The following PCDHA4 variants were observed in gnomAD, a reference collection of about 807,000 sequenced individuals.
PCDHA4 encodes the protein protocadherin alpha-4.
Under a neutral mutation model 61.4 loss-of-function variants are expected in PCDHA4, and 49 were observed. The observed-to-expected ratio is 0.80, with a 90% CI of 0.63 to 1.01. The LOEUF (loss-of-function observed/expected upper bound fraction) is 1.01. PCDHA4 is among the 50% of genes least tolerant of loss of function. The pLI is 0.00. For synonymous variants in PCDHA4, 590 were observed against 550.3 expected, an observed-to-expected ratio of 1.07 and a Z score of -1.01; for missense variants, 1,254 against 1,235.8, an observed-to-expected ratio of 1.01 and a Z score of -0.22.
chr5:140,821,577 T>C (rs1280254003), intron 1 of PCDHA4: 14 of 602,200 alleles, frequency 2.3e-5, no homozygotes, highest in Non-Finnish European at 2.7e-5. Flanking sequence ...CCGGAAGGTT[T>C]TTCTCCCTTC....
chr5:140,841,458 G>T (rs2150315915), intron 1 of PCDHA4: 2 of 1,612,756 alleles, frequency 1.2e-6, no homozygotes, highest in African/African-American at 2.7e-5. Flanking sequence ...ACCTTCGTGG[G>T]CCGGATCGCG....
At chr5:140,816,096 CT>C (rs1765842833) in intron 1 of PCDHA4, 1 of 152,210 alleles carries the variant, frequency 6.6e-6, no homozygotes, top group East Asian at 1.9e-4. Flanking sequence ...GCTGTCTGTC[CT>C]TTTCTCTTAT....
At chr5:141,004,935 A>C (rs1554259817) in intron 3 of PCDHA4, among the ~76,000 whole-genome samples, 1 of 152,112 alleles carries the variant, frequency 6.6e-6, no homozygotes, top group African/African-American at 2.4e-5. Flanking sequence ...GAGAGAAGAA[A>C]ATTTCTTACC....
intron 1 of PCDHA4, among the ~76,000 whole-genome samples, chr5:140,888,064 G>A (rs1353857736): frequency 6.6e-6 from 1 of 151,950 alleles, no homozygotes; most frequent in Non-Finnish European, 1.5e-5. Context: ...TAACTTTCTT[G>A]TCTGCTAATT....
At chr5:140,830,470 A>G in intron 1 of PCDHA4, 2 of 1,563,546 alleles carry the variant, frequency 1.3e-6, no homozygotes, top group Non-Finnish European at 8.7e-7. Context: ...ATTTAAATGA[A>G]GATCATGATG....
At chr5:140,835,731 G>C (rs1554135211) in intron 1 of PCDHA4, 20 of 1,613,790 alleles carry the variant, frequency 1.2e-5, no homozygotes, top group Admixed American at 3.3e-5. Flanking sequence ...CGACGTGAAC[G>C]ACAACGCCCC....
intron 1 of PCDHA4, chr5:140,884,328 T>C: frequency 1.2e-6 from 2 of 1,613,822 alleles, no homozygotes; most frequent in Non-Finnish European, 1.7e-6. Flanking sequence ...GCAGGCGCTG[T>C]GGGTCCAGAA....
chr5:140,928,930 C>T, intron 1 of PCDHA4: 1 of 1,614,108 alleles, frequency 6.2e-7, no homozygotes, highest in Non-Finnish European at 8.5e-7. Context: ...GCTTTCTGCC[C>T]AGAACTTGTA....
rs2150441857 is a variant in PCDHA4 at position 140,849,593 on chromosome 5, G to T, written c.2385+40021G>T. ...CTGTAAAAGAGGACGCACAACTGGGGACAGTTATTGCCCTGATTAGTGTGA... is the reference window on the plus strand; with the variant it reads ...CTGTAAAAGAGGACGCACAACTGGGTACAGTTATTGCCCTGATTAGTGTGA... On this transcript the variant is annotated intron_variant, in intron 1 of 3. Transcript: ENST00000530339. The T allele has an allele frequency of 3.0e-5, 48 of 1,598,606 alleles. 4 individuals carry two copies. Among genetic ancestry groups the T allele is most frequent in the African/African-American group, 1.1e-4 (8 of 74,332 alleles).
intron 1 of PCDHA4, chr5:140,869,082 T>A: frequency 6.3e-7 from 1 of 1,582,446 alleles, no homozygotes; most frequent in South Asian, 1.2e-5. Context: ...GAAGCTTATT[T>A]TGGAAGCCAA....
intron 1 of PCDHA4, chr5:140,883,858 G>C (rs2059854560): frequency 6.2e-7 from 1 of 1,613,142 alleles, no homozygotes; most frequent in Middle Eastern, 1.8e-4. Context: ...AGCTGGAGCT[G>C]TTGCAGTTCC....
intron 1 of PCDHA4, among the ~76,000 whole-genome samples, chr5:140,819,901 A>G (rs1442413808): frequency 6.6e-6 from 1 of 152,008 alleles, no homozygotes; most frequent in Non-Finnish European, 1.5e-5. Context: ...TGCAGATTAC[A>G]ATGTACACAT....
chr5:140,933,753 G>A (rs1554209575), intron 1 of PCDHA4, among the ~76,000 whole-genome samples: 1 of 151,976 alleles, frequency 6.6e-6, no homozygotes. Context: ...GAATTCACTA[G>A]TGAAGCTCTC....
intron 1 of PCDHA4, chr5:140,969,073 G>T (rs781937942): frequency 2.5e-6 from 4 of 1,614,092 alleles, no homozygotes; most frequent in South Asian, 2.2e-5. Flanking sequence ...CCAGGATACC[G>T]CATGGCCTCA....
chr5:140,859,927 A>G (rs1296278263), intron 1 of PCDHA4: 2 of 152,054 alleles, frequency 1.3e-5, no homozygotes, highest in African/African-American at 2.4e-5. Context: ...AGTAATATAA[A>G]AAACTTAGTA....
Position 140,827,946 on chromosome 5 carries a change from T to C in PCDHA4, c.2385+18374T>C, listed in dbSNP as rs1769465051. ...ACCATGAAGTTATAGCTAGCCAACA[T>C]TCAAATTTCTTCTATTACTGCATCA... On this transcript the variant is annotated intron_variant, in intron 1 of 3. Coordinates refer to ENST00000530339, the MANE Select transcript of PCDHA4 (RefSeq NM_018907.4). The C allele has an allele frequency of 9.0e-6, 11 of 1,225,792 alleles. No individual in the cohort carries two copies. In the South Asian group the frequency reaches 1.3e-4, roughly 15 times the overall value. 75.9% of individuals were successfully genotyped at this position (1,225,792 alleles called of 1,614,324 possible).
Position 140,829,625 on chromosome 5 carries a change from G to A in PCDHA4, c.2385+20053G>A, listed in dbSNP as rs138462086. 388 of 1,612,150 alleles carry A rather than the reference G, an allele frequency of 2.4e-4. No homozygotes were observed. The highest frequency in any genetic ancestry group is 2.9e-4 in the Non-Finnish European group (345 of 1,179,766). On this transcript the variant is annotated intron_variant, in intron 1 of 3. Coordinates refer to ENST00000530339, the MANE Select transcript of PCDHA4 (RefSeq NM_018907.4). ...GTTGTCGAGCTACATTTCGGTGCAC[G>A]CGGAGAGCGGCAAGGTGTACGCGCT...
At chr5:140,939,351 T>C (rs918440257) in intron 1 of PCDHA4, among the ~76,000 whole-genome samples, 2 of 152,140 alleles carry the variant, frequency 1.3e-5, no homozygotes, top group Non-Finnish European at 1.5e-5. Flanking sequence ...TTTCAACTTA[T>C]GATTGCAAAG....
intron 1 of PCDHA4, among the ~76,000 whole-genome samples, chr5:140,921,218 T>G (rs1554200138): frequency 6.6e-6 from 1 of 152,126 alleles, no homozygotes; most frequent in African/African-American, 2.4e-5. Context: ...TTCACGTCTT[T>G]TTTGCTAGAT....
Sources: allele counts gnomAD v4.1 joint callset (sites outside exome capture counted in the v4.1 genomes callset), GRCh38; gene constraint gnomAD v4.1.1; transcripts MANE v1.5; gene names NCBI Gene and HGNC (gene_info 2026-07-23, HGNC 2026-07-21).